SLC24A2: variants seen among roughly 807,000 people sequenced by gnomAD.
SLC24A2 encodes the protein sodium/potassium/calcium exchanger 2.
Under a neutral mutation model 62.0 loss-of-function variants are expected in SLC24A2, and 36 were observed. The observed-to-expected ratio is 0.58, with a 90% CI of 0.44 to 0.77. The LOEUF (loss-of-function observed/expected upper bound fraction) is 0.77, where lower values mean the gene tolerates loss of function less well. SLC24A2 is among the 30% of genes least tolerant of loss of function. The pLI, the probability that SLC24A2 is intolerant of heterozygous loss-of-function variation, is 0.00. For missense variants in SLC24A2, 846 were observed against 817.9 expected (o/e 1.03, Z -0.42); for synonymous variants, 358 against 294.0 (o/e 1.22, Z -2.23).
chr9:19,587,960 T>G (rs955149993), intron 5 of SLC24A2, among the ~76,000 whole-genome samples: 1 of 152,188 alleles, frequency 6.6e-6, no homozygotes, highest in African/African-American at 2.4e-5. Flanking sequence ...GAAGAATTCC[T>G]TGGTCCTGGT....
chr9:19,613,392 T>G (rs1393919587), intron 4 of SLC24A2, among the ~76,000 whole-genome samples: 1 of 152,174 alleles, frequency 6.6e-6, no homozygotes, highest in Non-Finnish European at 1.5e-5. Flanking sequence ...GACCACGCAT[T>G]TTACAATTTT....
At chr9:19,697,712 T>A (rs1051038438) in intron 2 of SLC24A2, among the ~76,000 whole-genome samples, 1 of 152,162 alleles carries the variant, frequency 6.6e-6, no homozygotes, top group African/African-American at 2.4e-5. Flanking sequence ...GTTAAAATAA[T>A]CATGTTCATC....
At chr9:20,051,728 A>ATATCATT in the SLC24A2 span, among the ~76,000 whole-genome samples, 6 of 116,636 alleles carry the variant, frequency 5.1e-5, no homozygotes, top group Non-Finnish European at 1.6e-5. Flanking sequence ...TGGTCTGTGT[A>ATATCATT]TATCATTTCA....
At chr9:20,221,546 G>T in the SLC24A2 span, among the ~76,000 whole-genome samples, 1 of 151,562 alleles carries the variant, frequency 6.6e-6, no homozygotes, top group Non-Finnish European at 1.5e-5. Flanking sequence ...AAGGAGAAAA[G>T]AAAGATTTAA....
Position 19,551,976 on chromosome 9 carries a change from G to A in SLC24A2, c.1348-1708C>T, listed in dbSNP as rs1016464810. Among the ~76,000 whole-genome samples the A allele has an allele frequency of 1.2e-4, 18 of 152,170 alleles. No homozygotes were observed. The East Asian group carries it at 3.5e-3, about 29-fold the overall frequency. On this transcript the variant is annotated intron_variant, in intron 7 of 10. Coordinates refer to ENST00000341998, the MANE Select transcript of SLC24A2 (RefSeq NM_020344.4). ...TTTGGGTATATGTCCTTGGCAGTGG[G>A]TAAAAGAATTTGTAAACAGCAAATA...
chr9:20,233,881 T>C, the SLC24A2 span, among the ~76,000 whole-genome samples: 1 of 152,244 alleles, frequency 6.6e-6, no homozygotes, highest in Admixed American at 6.5e-5. Context: ...TCCCTTTCCA[T>C]GTTTAATGCT....
At chr9:19,743,179 A>T (rs1389060634) in intron 2 of SLC24A2, among the ~76,000 whole-genome samples, 1 of 152,194 alleles carries the variant, frequency 6.6e-6, no homozygotes, top group African/African-American at 2.4e-5. Context: ...TGTCTGCATC[A>T]CATCAGCATT....
chr9:19,700,682 T>C (rs1474877873), intron 2 of SLC24A2, among the ~76,000 whole-genome samples: 2 of 152,182 alleles, frequency 1.3e-5, no homozygotes, highest in Non-Finnish European at 2.9e-5. Flanking sequence ...GCTGAAATTA[T>C]TTCAGCAATT....
the SLC24A2 span, among the ~76,000 whole-genome samples, chr9:20,260,845 C>CTTTTTTGTTTTT: frequency 9.0e-6 from 1 of 110,516 alleles, no homozygotes; most frequent in African/African-American, 3.7e-5. Flanking sequence ...ACGTATCATT[C>CTTTTTTGTTTTT]TTTCTTTTTT....
the SLC24A2 span, among the ~76,000 whole-genome samples, chr9:20,198,684 T>A: frequency 6.6e-6 from 1 of 151,544 alleles, no homozygotes; most frequent in South Asian, 2.1e-4. Context: ...TCTCTCTCTC[T>A]CCACCCCCAC....
the SLC24A2 span, among the ~76,000 whole-genome samples, chr9:19,994,877 A>T: frequency 6.6e-6 from 1 of 152,216 alleles, no homozygotes; most frequent in Non-Finnish European, 1.5e-5. Flanking sequence ...CTTCCAATGT[A>T]CCAATATACA....
At chr9:20,134,055 A>G in the SLC24A2 span, among the ~76,000 whole-genome samples, 2 of 152,162 alleles carry the variant, frequency 1.3e-5, no homozygotes, top group Non-Finnish European at 2.9e-5. Context: ...AACTAACCCA[A>G]CGATGTACAC....
At chr9:19,825,524 C>A in the SLC24A2 span, among the ~76,000 whole-genome samples, 12 of 151,928 alleles carry the variant, frequency 7.9e-5, no homozygotes, top group Admixed American at 7.9e-4. Context: ...GATATAGGGT[C>A]TAACTGAGCT....
At chr9:20,159,308 C>G in the SLC24A2 span, among the ~76,000 whole-genome samples, 2 of 151,636 alleles carry the variant, frequency 1.3e-5, no homozygotes, top group Admixed American at 6.6e-5. Flanking sequence ...CACACACATC[C>G]CATCACGATG....
the SLC24A2 span, among the ~76,000 whole-genome samples, chr9:20,225,261 C>T: frequency 6.6e-6 from 1 of 151,320 alleles, no homozygotes; most frequent in African/African-American, 2.4e-5. Context: ...ATCTTTCAAA[C>T]TTACACAAGG....
At chr9:19,631,807 TTCATCCCTGGG>T (rs1400315285) in intron 2 of SLC24A2, among the ~76,000 whole-genome samples, 1 of 152,178 alleles carries the variant, frequency 6.6e-6, no homozygotes, top group African/African-American at 2.4e-5. Context: ...ATTCTCTGGC[TTCATCCCTGGG>T]ACCCTGTGCC....
intron 8 of SLC24A2, among the ~76,000 whole-genome samples, chr9:19,545,423 C>A (rs184151096): frequency 6.6e-6 from 1 of 152,156 alleles, no homozygotes; most frequent in East Asian, 1.9e-4. Flanking sequence ...CTGAAGCTTA[C>A]TTCTGTCGAG....
the SLC24A2 span, among the ~76,000 whole-genome samples, chr9:20,225,384 C>G: frequency 6.7e-6 from 1 of 150,210 alleles, no homozygotes; most frequent in Non-Finnish European, 1.5e-5. Flanking sequence ...ACTCTCATAA[C>G]TACTTTTGGG....
intron 2 of SLC24A2, among the ~76,000 whole-genome samples, chr9:19,716,370 T>C (rs1302299820): frequency 6.6e-6 from 1 of 152,226 alleles, no homozygotes; most frequent in Non-Finnish European, 1.5e-5. Flanking sequence ...AGCATACTTA[T>C]TGTGGGCTTA....
Sources: gnomAD v4.1 joint callset for allele counts (sites outside exome capture counted in the v4.1 genomes callset) on GRCh38, gnomAD v4.1.1 for gene constraint, MANE v1.5 for transcripts, NCBI Gene and HGNC (gene_info 2026-07-23, HGNC 2026-07-21) for gene names.